BCOR: variants seen among roughly 807,000 people sequenced by gnomAD.
The protein encoded by BCOR is BCL-6 corepressor.
In BCOR, 10 loss-of-function variants were observed where a neutral mutation model predicts 86.7. That is an observed-to-expected ratio of 0.12 (90% CI 0.07 to 0.20). The LOEUF (loss-of-function observed/expected upper bound fraction) is 0.20, where lower values mean the gene tolerates loss of function less well. Ranked by LOEUF, BCOR falls within the 10% of genes least tolerant of loss-of-function variation. The pLI is 1.00. For synonymous variants in BCOR, 611 were observed against 609.0 expected (o/e 1.00, Z -0.05); for missense variants, 1,259 against 1,452.1 (o/e 0.87, Z 2.16).
At chrX:40,147,148 C>A (rs1231759408) in intron 1 of BCOR, among the ~76,000 whole-genome samples, 1 of 111,092 alleles carries the variant, frequency 9.0e-6, no homozygotes, top group East Asian at 2.8e-4. Context: ...CACGTGCACT[C>A]TGGATACCCT....
chrX:40,073,147 C>A lies in BCOR; in HGVS notation c.2199G>T (p.Thr733=), dbSNP rs140693978. 397 of 1,210,197 alleles carry A rather than the reference C, an allele frequency of 3.3e-4. No homozygotes were observed. Among genetic ancestry groups the A allele is most frequent in the Non-Finnish European group, 4.1e-4 (363 of 895,241 alleles). The change falls in exon 4 of 15, where the codon ACG becomes ACT. Residue 733 remains threonine (T), a synonymous_variant. Coordinates refer to ENST00000378444, the MANE Select transcript of BCOR (RefSeq NM_001123385.2). ...GMVHPMLIPH[T]PIEITKEEKP... ...TCTCCTCTTTAGTAATCTCTATGGGCGTGTGTGGTATCAACATGGGATGCA... is the reference window on the plus strand; with the variant it reads ...TCTCCTCTTTAGTAATCTCTATGGGAGTGTGTGGTATCAACATGGGATGCA...
In BCOR at chrX:40,139,486, TATATATATA is replaced by T. The variant is rs1937855220; in HGVS notation, c.-41+37512_-41+37520del. On this transcript the variant is annotated intron_variant, in intron 1 of 14. Coordinates refer to the BCOR transcript ENST00000342274. ...ATATATATATATATATATATATATATATATATATATATTTTTTTTTTTTTTTAAGCATCA... is the reference window on the plus strand; with the variant it reads ...ATATATATATATATATATATATATATTATTTTTTTTTTTTTTTAAGCATCA... 2.5e-3 allele frequency among the ~76,000 whole-genome samples: 40 copies of T among 15,984 alleles called. 4 individuals carry two copies. The highest frequency in any genetic ancestry group is 3.4e-3 in the Non-Finnish European group (38 of 11,047). The allele number at this position is 15,984 out of a possible 115,157, so 13.9% of individuals were successfully genotyped here.
chrX:40,120,843 A>G (rs960462932), intron 1 of BCOR, among the ~76,000 whole-genome samples: 1 of 112,246 alleles, frequency 8.9e-6, no homozygotes, highest in Non-Finnish European at 1.9e-5. Context: ...TGGGAGCAGG[A>G]AAGAAGCACC....
At chrX:40,168,421 C>T (rs922191981) in intron 1 of BCOR, among the ~76,000 whole-genome samples, 1 of 112,767 alleles carries the variant, frequency 8.9e-6, no homozygotes, top group Non-Finnish European at 1.9e-5. Flanking sequence ...GAATTGGCGG[C>T]GGCAAACACC....
intron 1 of BCOR, among the ~76,000 whole-genome samples, chrX:40,133,650 C>T (rs2147919305): frequency 9.2e-6 from 1 of 108,865 alleles, no homozygotes; most frequent in African/African-American, 3.4e-5. Flanking sequence ...TTAGTAGAGA[C>T]GGGGTTTCAC....
chrX:40,077,723 AC>A, intron 2 of BCOR, 120 bp downstream of exon 2: 1 of 608,984 alleles, frequency 1.6e-6, no homozygotes, highest in East Asian at 3.5e-5. Context: ...AGAGCGGCCT[AC>A]TAGGCGGGAA....
chrX:40,102,815 G>A (rs1937097465), upstream of BCOR, among the ~76,000 whole-genome samples: 1 of 113,460 alleles, frequency 8.8e-6, no homozygotes, highest in African/African-American at 3.2e-5. Context: ...AGAAGGGAAA[G>A]CGGTGCTGAT....
intron 1 of BCOR, among the ~76,000 whole-genome samples, chrX:40,171,218 C>T (rs758490308): frequency 8.9e-6 from 1 of 112,172 alleles, no homozygotes; most frequent in Non-Finnish European, 1.9e-5. Flanking sequence ...CACCCTCCTG[C>T]TGGAGGCAAC....
intron 1 of BCOR, among the ~76,000 whole-genome samples, chrX:40,118,107 A>AC (rs772794261): frequency 3.6e-4 from 37 of 102,193 alleles, no homozygotes; most frequent in Admixed American, 2.6e-3. Context: ...CAAGGCAAGG[A>AC]CCCCCCCTTT....
At chrX:40,080,921 A>G (rs1308985190) in intron 1 of BCOR, among the ~76,000 whole-genome samples, 1 of 106,910 alleles carries the variant, frequency 9.4e-6, no homozygotes, top group Non-Finnish European at 1.9e-5. Flanking sequence ...AGGGGGGAAC[A>G]CATTGTTGGA....
chrX:40,167,873 G>A (rs773528210), intron 1 of BCOR, among the ~76,000 whole-genome samples: 2 of 113,194 alleles, frequency 1.8e-5, no homozygotes, highest in South Asian at 7.2e-4. Flanking sequence ...TTTCCAAAAA[G>A]GAAAATACAC....
rs1935026586 is a variant in BCOR at position 40,063,686 on chromosome X, G to C, written c.3769C>G (p.Pro1257Ala). 5 of 1,210,040 alleles carry C rather than the reference G, an allele frequency of 4.1e-6. No individual in the cohort carries two copies. Among genetic ancestry groups the C allele is most frequent in the Non-Finnish European group, 5.6e-6 (5 of 895,051 alleles). Residue 1257 changes from proline to alanine, a missense_variant, in exon 8 of 15, where the codon CCT (proline) becomes GCT (alanine). Coordinates refer to ENST00000378444, the MANE Select transcript of BCOR (RefSeq NM_001123385.2). ...TTGGCCTCTGCCCTTTTCCTGCCAGGTTTCTCTTCAGTGATGTTAGTCCCC... is the reference window on the plus strand; with the variant it reads ...TTGGCCTCTGCCCTTTTCCTGCCAGCTTTCTCTTCAGTGATGTTAGTCCCC... ...PQGTNITEEKPGRKRAEAKGN... is the reference protein window; with the variant it reads ...PQGTNITEEKAGRKRAEAKGN...
intron 1 of BCOR, among the ~76,000 whole-genome samples, chrX:40,155,513 C>T (rs1213906203): frequency 9.1e-6 from 1 of 110,304 alleles, no homozygotes; most frequent in Admixed American, 9.5e-5. Flanking sequence ...GTGGGAGAGG[C>T]GTCCTGGCTC....
At chrX:40,080,815 CGTGTGTGTGT>C (rs533981374) in intron 1 of BCOR, among the ~76,000 whole-genome samples, 2,115 of 65,940 alleles carry the variant, frequency 0.032, 39 homozygotes, top group Middle Eastern at 0.076. Flanking sequence ...GGTTCACTGT[CGTGTGTGTGT>C]GTGTGTGTGT....
At chrX:40,083,666 C>T (rs1327614314) in intron 1 of BCOR, among the ~76,000 whole-genome samples, 1 of 112,290 alleles carries the variant, frequency 8.9e-6, no homozygotes, top group Non-Finnish European at 1.9e-5. Context: ...TCTCTCCCAC[C>T]ACACACACCC....
chrX:40,102,688 G>C (rs867218650), upstream of BCOR, among the ~76,000 whole-genome samples: 1 of 113,501 alleles, frequency 8.8e-6, no homozygotes, highest in Non-Finnish European at 1.9e-5. Flanking sequence ...CACTCCCACC[G>C]GGTCCCTGCG....
At chrX:40,166,881 G>A (rs890785423) in intron 1 of BCOR, among the ~76,000 whole-genome samples, 2 of 111,725 alleles carry the variant, frequency 1.8e-5, no homozygotes, top group Non-Finnish European at 1.9e-5. Context: ...CAGGAAGCAG[G>A]ACCAGTACAA....
intron 1 of BCOR, among the ~76,000 whole-genome samples, chrX:40,153,695 G>C: frequency 8.9e-6 from 1 of 112,161 alleles, no homozygotes. Context: ...GAGGAGCTGA[G>C]AGGAAGCACG....
chrX:40,121,774 G>A, intron 1 of BCOR, among the ~76,000 whole-genome samples: 2 of 112,262 alleles, frequency 1.8e-5, no homozygotes, highest in Middle Eastern at 4.6e-3. Flanking sequence ...GGGAAAGAGA[G>A]TTTCAGGTAG....
Sources: allele counts gnomAD v4.1 joint callset (sites outside exome capture counted in the v4.1 genomes callset), GRCh38; gene constraint gnomAD v4.1.1; transcripts MANE v1.5; gene names NCBI Gene and HGNC (gene_info 2026-07-23, HGNC 2026-07-21).